The following BTF3 variants were observed in gnomAD, a reference collection of about 807,000 sequenced individuals.
BTF3 encodes the protein basic transcription factor 3.
In BTF3, 12 loss-of-function variants were observed where a neutral mutation model predicts 23.9. The ratio of observed to expected loss-of-function variants is 0.50; its 90% CI spans 0.32 to 0.81. The LOEUF (loss-of-function observed/expected upper bound fraction) is 0.81, where lower values mean the gene tolerates loss of function less well. BTF3 is among the 40% of genes least tolerant of loss of function. BTF3 has a pLI of 0.03. For missense variants in BTF3, 215 were observed against 255.9 expected (o/e 0.84, Z 1.09); for synonymous variants, 96 against 94.8 (o/e 1.01, Z -0.07).
chr5:73,498,688 C>T lies in BTF3; in HGVS notation c.21C>T (p.Pro7=). The change falls in exon 1 of 6, where the codon CCC becomes CCT. Residue 7 remains proline (P), a synonymous_variant. Coordinates refer to ENST00000380591, the MANE Select transcript of BTF3 (RefSeq NM_001037637.2). ...AGGCGATGCGACGGACAGGCGCACC[C>T]GCTCAGGCTGACTCTCGGGGGCGAG... The part of the protein sequence containing the change: MRRTGA[P]AQADSRGRGR... 1 of 1,499,772 alleles carries T rather than the reference C, an allele frequency of 6.7e-7. No individual in the cohort carries two copies. Among genetic ancestry groups the T allele is most frequent in the South Asian group, 1.3e-5 (1 of 79,746 alleles). The allele number at this position is 1,499,772 out of a possible 1,614,324, so 92.9% of individuals were successfully genotyped here. A position where few individuals can be genotyped will look rare whatever the true frequency, so the allele number is the denominator to read the frequency against.
At chr5:73,504,119 G>A (rs1561255123) in intron 4 of BTF3, among the ~76,000 whole-genome samples, 1 of 152,084 alleles carries the variant, frequency 6.6e-6, no homozygotes, top group Non-Finnish European at 1.5e-5. Context: ...GAAAGGATGG[G>A]TATGGAATTT....
chr5:73,504,941 C>T (rs531295131), intron 5 of BTF3: 5 of 382,426 alleles, frequency 1.3e-5, no homozygotes, highest in African/African-American at 8.6e-5. Flanking sequence ...CTTAGGAATC[C>T]AGGAAAATTT....
intron 2 of BTF3, 42 bp from the exon 3 acceptor site, chr5:73,502,444 TGG>T (rs754331575): frequency 7.6e-7 from 1 of 1,321,256 alleles, no homozygotes; most frequent in South Asian, 1.3e-5. Context: ...ATATCTGTTG[TGG>T]TATAAATGTG....
chr5:73,503,180 A>C, intron 4 of BTF3, 63 bp downstream of exon 4: 2 of 1,536,072 alleles, frequency 1.3e-6, no homozygotes, highest in Non-Finnish European at 9.0e-7. Context: ...TTCTGATCTC[A>C]GGGCTCAGAA....
intron 2 of BTF3, 127 bp downstream of exon 2, chr5:73,499,329 C>T (rs768237035): frequency 2.0e-6 from 2 of 1,019,164 alleles, no homozygotes; most frequent in African/African-American, 3.7e-5. Flanking sequence ...ATTCACGGAG[C>T]TAGCAAATCT....
At chr5:73,498,822 T>TGGCCG (rs1746347045) in intron 1 of BTF3, 23 bp downstream of exon 1, 19 of 1,469,324 alleles carry the variant, frequency 1.3e-5, no homozygotes, top group Middle Eastern at 2.4e-4. Flanking sequence ...TTGCGGAGAG[T>TGGCCG]GGCCGGGCCG....
rs1398975623 is a variant in BTF3 at position 73,505,630 on chromosome 5, G to A, written c.*392G>A. On this transcript the variant is annotated 3_prime_UTR_variant, in exon 6 of 6. Transcript: ENST00000380591. ...ATTAAAGATTTAAAATCACGGTGTA[G>A]TGTAACAAAGGTGGTATAAAGTTCT... 3 of 157,254 alleles carry A rather than the reference G, an allele frequency of 1.9e-5. No homozygotes were observed. Among genetic ancestry groups the A allele is most frequent in the Admixed American group, 6.4e-5 (1 of 15,552 alleles). The allele number at this position is 157,254 out of a possible 1,614,324, so 9.7% of individuals were successfully genotyped here. A position where few individuals can be genotyped will look rare whatever the true frequency, so the allele number is the denominator to read the frequency against.
chr5:73,498,589 A>G lies in BTF3; in HGVS notation c.-79A>G. On this transcript the variant is annotated 5_prime_UTR_variant, in exon 1 of 6. Coordinates refer to ENST00000380591, the MANE Select transcript of BTF3 (RefSeq NM_001037637.2). The stretch of plus-strand genomic sequence containing the variant: ...AAAAGGCTCTGGACGGCGGCGTGGT[A>G]GGAGGACGGGAGCGGGGGCGGGAAG... 7.1e-7 allele frequency: 1 copy of G among 1,409,346 alleles called. No individual in the cohort carries two copies. Among genetic ancestry groups the G allele is most frequent in the Non-Finnish European group, 9.2e-7 (1 of 1,089,846 alleles). 87.3% of individuals were successfully genotyped at this position (1,409,346 alleles called of 1,614,324 possible).
rs145107105 is a variant in BTF3, at chr5:73,501,697, G to A, written c.202-791G>A. On this transcript the variant is annotated intron_variant, in intron 2 of 5. Transcript: ENST00000380591. ...AAGAAGAGGGATGGTAGCAGATGCA[G>A]TCAGGAGTGGCATATTAAGGGCAGG... is the stretch of plus-strand genomic sequence containing the variant. Among the ~76,000 whole-genome samples, 16 of 152,288 alleles carry A rather than the reference G, an allele frequency of 1.1e-4. 1 individual carries two copies. Among genetic ancestry groups the A allele is most frequent in the Middle Eastern group, 6.8e-3 (2 of 294 alleles).
chr5:73,505,174 C>T lies in BTF3; in HGVS notation c.575-18C>T, dbSNP rs747616685. On this transcript the variant is annotated intron_variant, in intron 5 of 5. Transcript: ENST00000380591. ...GATTTGGCTTTTTTAAGAATTTCTA[C>T]TCTTTTCCTTTTCCTAGATCTTGTG... 1.8e-5 allele frequency: 29 copies of T among 1,603,780 alleles called. No individual in the cohort carries two copies. The highest frequency in any genetic ancestry group is 2.5e-5 in the Non-Finnish European group (29 of 1,176,450).
Position 73,498,624 on chromosome 5 carries a change from G to A in BTF3, c.-44G>A, listed in dbSNP as rs1287109362. The stretch of plus-strand genomic sequence containing the variant: ...GAGCGGGGGCGGGAAGTTCCCTGAA[G>A]GAGCGAGACAGGGAGGGACAGGGCA... On this transcript the variant is annotated 5_prime_UTR_variant, in exon 1 of 6. Transcript: ENST00000380591. The A allele has an allele frequency of 7.7e-6, 11 of 1,429,184 alleles. No individual in the cohort carries two copies. Among genetic ancestry groups the A allele is most frequent in the Non-Finnish European group, 1.0e-5 (11 of 1,098,240 alleles). 88.5% of individuals were successfully genotyped at this position (1,429,184 alleles called of 1,614,324 possible).
chr5:73,502,454 G>C, intron 2 of BTF3, 34 bp from the exon 3 acceptor site: 1 of 1,435,694 alleles, frequency 7.0e-7, no homozygotes. Flanking sequence ...TGGTATAAAT[G>C]TGCTGTTTTC....
In BTF3 at chr5:73,503,410, C is replaced by G. The variant is rs191760233; in HGVS notation, c.517+293C>G. Among the ~76,000 whole-genome samples the G allele has an allele frequency of 8.1e-4, 123 of 152,002 alleles. 1 individual carries two copies. Among genetic ancestry groups the G allele is most frequent in the African/African-American group, 2.8e-3 (118 of 41,430 alleles). ...TGTTAATTTGGTGCTTTGCCAATAA[C>G]TACTTGTAAGTTTGGAATTGAAAAA... On this transcript the variant is annotated intron_variant, in intron 4 of 5. Transcript: ENST00000380591.
chr5:73,502,494 G>A lies in BTF3; in HGVS notation c.208G>A (p.Ala70Thr). Residue 70 changes from alanine to threonine, a missense_variant, in exon 3 of 6, where the codon GCT becomes ACT. Transcript: ENST00000380591. The stretch of plus-strand genomic sequence containing the variant: ...CTCTTCTCCCTGACTTTAGGGAACT[G>A]CTCGCAGAAAGAAGAAGGTGGTTCA... ...AQVRIGGKGT[A>T]RRKKKVVHRT... 6.3e-7 allele frequency: 1 copy of A among 1,595,146 alleles called. No homozygotes were observed. The highest frequency in any genetic ancestry group is 1.2e-5 in the South Asian group (1 of 86,730).
intron 4 of BTF3, among the ~76,000 whole-genome samples, chr5:73,503,869 TA>T (rs1437749793): frequency 6.6e-6 from 1 of 152,228 alleles, no homozygotes; most frequent in Non-Finnish European, 1.5e-5. Flanking sequence ...TCTTGTGTGA[TA>T]AAGGAGAGTG....
At chr5:73,499,305 G>A (rs746744604) in intron 2 of BTF3, 103 bp downstream of exon 2, 5 of 1,281,034 alleles carry the variant, frequency 3.9e-6, no homozygotes, top group African/African-American at 1.5e-5. Flanking sequence ...GACAAACTTT[G>A]CCTATCGAGG....
chr5:73,502,895 A>G (rs1236244068), intron 3 of BTF3, 21 bp from the exon 4 acceptor site: 2 of 1,605,744 alleles, frequency 1.2e-6, no homozygotes, highest in African/African-American at 1.3e-5. Flanking sequence ...TTGCTAATTT[A>G]AATTTTTCTT....
chr5:73,498,779 A>T lies in BTF3; in HGVS notation c.112A>T (p.Thr38Ser). The part of the protein sequence containing the change: ...TLSQPPPRGG[T>S]RGQEPQMKET... ...GTCTCAACCTCCACCTCGCGGCGGAACCCGAGGACAGGAGCCTCAGGTACC... is the reference window on the plus strand; with the variant it reads ...GTCTCAACCTCCACCTCGCGGCGGATCCCGAGGACAGGAGCCTCAGGTACC... The change falls in exon 1 of 6, where the codon ACC (threonine) becomes TCC (serine). Residue 38 changes from threonine (T) to serine (S), a missense_variant. Thr to Ser is a moderately conservative substitution (Grantham distance 58). This residue lies in a region of BTF3 where 116 missense variants were observed against 84.7 expected (regional missense o/e 1.37). Transcript: ENST00000380591. 6.6e-7 allele frequency: 1 copy of T among 1,505,988 alleles called. No homozygotes were observed. The allele number at this position is 1,505,988 out of a possible 1,614,324, so 93.3% of individuals were successfully genotyped here.
intron 2 of BTF3, among the ~76,000 whole-genome samples, chr5:73,501,499 T>A (rs769920274): frequency 1.1e-4 from 16 of 152,188 alleles, no homozygotes; most frequent in Non-Finnish European, 1.0e-4. Context: ...AAGTTGCTAT[T>A]TTACTTTGGG....
Sources: gnomAD v4.1 joint callset for allele counts (sites outside exome capture counted in the v4.1 genomes callset) on GRCh38, gnomAD v4.1.1 for gene constraint, gnomAD v4.1.1 regional missense constraint, MANE v1.5 for transcripts, NCBI Gene and HGNC (gene_info 2026-07-23, HGNC 2026-07-21) for gene names.